Variants in C3orf20 observed in about 807,000 individuals in gnomAD.
The protein encoded by C3orf20 is family with sequence similarity 149 member C, also known as uncharacterized protein C3orf20.
C3orf20 carries 76 observed loss-of-function variants against 88.3 expected under a neutral mutation model. That is an observed-to-expected ratio of 0.86 (90% CI 0.72 to 1.04). The LOEUF (loss-of-function observed/expected upper bound fraction) is 1.04. Among genes scored for constraint, C3orf20 ranks in the 50% least tolerant of loss-of-function variants. C3orf20 has a pLI of 0.00. For synonymous variants in C3orf20, 436 were observed against 437.4 expected (o/e 1.00, Z 0.04); for missense variants, 1,056 against 1,123.3 (o/e 0.94, Z 0.86).
chr3:14,724,889 G>A (rs1160332999), intron 10 of C3orf20, among the ~76,000 whole-genome samples: 3 of 152,192 alleles, frequency 2.0e-5, no homozygotes, highest in African/African-American at 7.2e-5. Context: ...GTAGAAGACT[G>A]AGAGGTTATT....
At chr3:14,713,639 T>C (rs2033830173) in intron 7 of C3orf20, among the ~76,000 whole-genome samples, 1 of 152,220 alleles carries the variant, frequency 6.6e-6, no homozygotes, top group African/African-American at 2.4e-5. Flanking sequence ...TTCTGCACTT[T>C]GGATTCCTCA....
chr3:14,715,376 C>A lies in C3orf20; in HGVS notation c.1401C>A (p.Ser467=). ...GYVVHKWSWT[S]RTETLLSLEY... is the part of the protein sequence containing the mutation. Reference sequence around the variant, plus strand: ...TAGTCCACAAGTGGAGCTGGACTTCCAGGACAGAGACCCTGCTTTCCCTGG... The same window carrying A: ...TAGTCCACAAGTGGAGCTGGACTTCAAGGACAGAGACCCTGCTTTCCCTGG... Residue 467 remains serine (S), a synonymous_variant, in exon 9 of 17, where the codon TCC becomes TCA. Transcript: ENST00000253697. The A allele has an allele frequency of 1.2e-6, 2 of 1,612,274 alleles. No homozygotes were observed. The highest frequency in any genetic ancestry group is 2.2e-5 in the South Asian group (2 of 90,918).
intron 1 of C3orf20, among the ~76,000 whole-genome samples, chr3:14,679,500 A>C (rs1008097623): frequency 3.3e-5 from 5 of 152,228 alleles, no homozygotes; most frequent in African/African-American, 1.2e-4. Context: ...CCACAATGTC[A>C]TCAGGAGCCC....
chr3:14,746,199 A>G (rs1191267342), intron 12 of C3orf20, among the ~76,000 whole-genome samples: 1 of 152,254 alleles, frequency 6.6e-6, no homozygotes, highest in Non-Finnish European at 1.5e-5. Context: ...ATGTCCAATA[A>G]CAAGGAAAGT....
intron 12 of C3orf20, among the ~76,000 whole-genome samples, chr3:14,737,705 A>G (rs1171685290): frequency 6.6e-6 from 1 of 152,208 alleles, no homozygotes; most frequent in African/African-American, 2.4e-5. Flanking sequence ...TTGCCACATT[A>G]ATTAATTTTT....
chr3:14,714,685 C>T (rs9830960), intron 8 of C3orf20, among the ~76,000 whole-genome samples: 62,189 of 151,970 alleles, frequency 0.41, 12,921 homozygotes, highest in Middle Eastern at 0.47. Context: ...CTCACTGCAG[C>T]CTCGAACTCC....
chr3:14,706,622 T>C (rs2033513896), intron 7 of C3orf20, among the ~76,000 whole-genome samples: 1 of 143,742 alleles, frequency 7.0e-6, no homozygotes, highest in Admixed American at 7.6e-5. Flanking sequence ...ACCCCAGCAA[T>C]GATCACATCC....
chr3:14,707,820 C>CTTTTTTTTTTTTTTTTTT lies in C3orf20; in HGVS notation c.1160+3218_1160+3219insTTTTTTTTTTTTTTTTTT, dbSNP rs60474912. ...ATAACATTTACCCCTGTGTTTTCCT[C>CTTTTTTTTTTTTTTTTTT]TTTTTTTTTTTTTTTTGAGACAGAG... On this transcript the variant is annotated intron_variant, in intron 7 of 16. Transcript: ENST00000253697. Among the ~76,000 whole-genome samples, 2 of 122,154 alleles carry CTTTTTTTTTTTTTTTTTT rather than the reference C, an allele frequency of 1.6e-5. 1 individual carries two copies. Among genetic ancestry groups the CTTTTTTTTTTTTTTTTTT allele is most frequent in the African/African-American group, 6.3e-5 (2 of 31,508 alleles). The allele number at this position is 122,154 out of a possible 152,430, so 80.1% of individuals were successfully genotyped here.
chr3:14,680,233 A>G (rs2032015449), intron 1 of C3orf20, among the ~76,000 whole-genome samples: 1 of 152,056 alleles, frequency 6.6e-6, no homozygotes, highest in South Asian at 2.1e-4. Flanking sequence ...ATAATAGCCA[A>G]AAAATAAAAA....
At position 14,752,727 on chromosome 3, in the gene C3orf20, A is replaced by G. The variant is rs142293766; in HGVS notation, c.1941-4644A>G. 7.5e-3 allele frequency among the ~76,000 whole-genome samples: 1,144 copies of G among 152,394 alleles called. 13 individuals carry two copies. Among genetic ancestry groups the G allele is most frequent in the Middle Eastern group, 0.017 (5 of 294 alleles). On this transcript the variant is annotated intron_variant, in intron 12 of 16. Transcript: ENST00000253697. Reference sequence around the variant, plus strand: ...GAAGACATTTATGCAGCCAACAGACATATGAAAAAATAGTCATCATCACTG... The same window carrying G: ...GAAGACATTTATGCAGCCAACAGACGTATGAAAAAATAGTCATCATCACTG...
intron 12 of C3orf20, among the ~76,000 whole-genome samples, chr3:14,754,288 G>A (rs1316674535): frequency 6.6e-6 from 1 of 152,152 alleles, no homozygotes; most frequent in Non-Finnish European, 1.5e-5. Flanking sequence ...AGAATGTTGC[G>A]AGTCAGATAA....
At chr3:14,717,459 G>A (rs1255297083) in intron 9 of C3orf20, among the ~76,000 whole-genome samples, 8 of 152,066 alleles carry the variant, frequency 5.3e-5, no homozygotes, top group African/African-American at 1.7e-4. Context: ...AGTGGGAGCC[G>A]AGTCTGCAAA....
chr3:14,760,115 G>A (rs543905184), intron 14 of C3orf20, 117 bp downstream of exon 14: 127 of 782,698 alleles, frequency 1.6e-4, no homozygotes, highest in African/African-American at 1.0e-4. Context: ...GAGGGGCTGC[G>A]GAATTATCTC....
At chr3:14,681,714 A>G (rs1425910753) in intron 1 of C3orf20, among the ~76,000 whole-genome samples, 2 of 152,216 alleles carry the variant, frequency 1.3e-5, no homozygotes, top group African/African-American at 4.8e-5. Flanking sequence ...TATATTATTA[A>G]AGACTGCTAT....
At chr3:14,709,836 T>C (rs79875659) in intron 7 of C3orf20, among the ~76,000 whole-genome samples, 14,963 of 152,256 alleles carry the variant, frequency 0.098, 864 homozygotes, top group Middle Eastern at 0.2. Context: ...TTTCTTTTTA[T>C]GTATTTGTCT....
At chr3:14,681,980 A>G (rs920401262) in intron 1 of C3orf20, among the ~76,000 whole-genome samples, 190 bp from the exon 2 acceptor site, 3 of 152,212 alleles carry the variant, frequency 2.0e-5, no homozygotes, top group Non-Finnish European at 4.4e-5. Context: ...TTTCAGGCAC[A>G]TTTTCCAACT....
At chr3:14,753,453 A>G (rs1411707192) in intron 12 of C3orf20, among the ~76,000 whole-genome samples, 2 of 152,226 alleles carry the variant, frequency 1.3e-5, no homozygotes, top group African/African-American at 4.8e-5. Flanking sequence ...AAACTTGCAC[A>G]TTGTGCACAT....
chr3:14,769,302 A>C lies in C3orf20; in HGVS notation c.2496-2765A>C, dbSNP rs549838982. ...AAGGCCCAGCAAAGGAGGAGAGGGA[A>C]AAGGCACTCAGGAGGGGCTGGGGCA... On this transcript the variant is annotated intron_variant, in intron 15 of 16. Transcript: ENST00000253697. 1.4e-4 allele frequency among the ~76,000 whole-genome samples: 21 copies of C among 152,062 alleles called. No individual in the cohort carries two copies. The South Asian group carries it at 4.2e-3, about 30-fold the overall frequency.
intron 7 of C3orf20, among the ~76,000 whole-genome samples, chr3:14,707,053 T>C (rs1019709255): frequency 4.0e-5 from 6 of 151,800 alleles, no homozygotes; most frequent in African/African-American, 1.5e-4. Flanking sequence ...ATCGAGTCCA[T>C]CCTGGCTAAC....
Sources: gnomAD v4.1 joint callset for allele counts (sites outside exome capture counted in the v4.1 genomes callset) on GRCh38, gnomAD v4.1.1 for gene constraint, MANE v1.5 for transcripts, NCBI Gene and HGNC (gene_info 2026-07-23, HGNC 2026-07-21) for gene names.